HMBOX1: variants seen among roughly 807,000 people sequenced by gnomAD.
HMBOX1 encodes the protein homeobox containing 1, also known as homeobox-containing protein 1.
Under a neutral mutation model 54.5 loss-of-function variants are expected in HMBOX1, and 14 were observed. That is an observed-to-expected ratio of 0.26 (90% CI 0.17 to 0.40). The LOEUF (loss-of-function observed/expected upper bound fraction) is 0.40, where lower values mean the gene tolerates loss of function less well. Among genes scored for constraint, HMBOX1 ranks in the 10% least tolerant of loss-of-function variants. The probability of loss-of-function intolerance (pLI) is 1.00; values close to 1 mark genes in which losing one functional copy is unlikely to be tolerated. For synonymous variants in HMBOX1, 160 were observed against 181.0 expected (o/e 0.88, Z 0.93); for missense variants, 332 against 514.4 (o/e 0.65, Z 3.43).
chr8:28,908,203 A>C (rs749114509), intron 1 of HMBOX1, among the ~76,000 whole-genome samples: 1 of 152,180 alleles, frequency 6.6e-6, no homozygotes, highest in Admixed American at 6.5e-5. Context: ...CCAAATGGAC[A>C]TAGGAACATA....
chr8:29,046,446 T>C (rs1267450450), intron 7 of HMBOX1: 3 of 152,250 alleles, frequency 2.0e-5, no homozygotes, highest in Non-Finnish European at 4.4e-5. Flanking sequence ...GGGGGGTCTG[T>C]ATTGGCAAGC....
chr8:28,933,222 C>G (rs1819781875), intron 1 of HMBOX1, among the ~76,000 whole-genome samples: 1 of 152,096 alleles, frequency 6.6e-6, no homozygotes, highest in African/African-American at 2.4e-5. Flanking sequence ...TCCCTAAATA[C>G]CAAAAAACCA....
chr8:28,986,459 A>C (rs1448790172), intron 4 of HMBOX1, among the ~76,000 whole-genome samples: 1 of 152,218 alleles, frequency 6.6e-6, no homozygotes, highest in African/African-American at 2.4e-5. Flanking sequence ...TACAACCAGA[A>C]ATAATTATCT....
At position 28,973,803 on chromosome 8, in the gene HMBOX1, G is replaced by GTTTTTTTTTTTTTTTTTTTTTTT. The variant is rs71222583; in HGVS notation, c.500+3293_500+3315dup. 4.0e-4 allele frequency among the ~76,000 whole-genome samples: 29 copies of GTTTTTTTTTTTTTTTTTTTTTTT among 72,650 alleles called. 2 individuals carry two copies. The highest frequency in any genetic ancestry group is 5.6e-4 in the Non-Finnish European group (22 of 38,950). The allele number at this position is 72,650 out of a possible 152,430, so 47.7% of individuals were successfully genotyped here. ...TAATAATTTCGAGATACATAATGGAGTTTTTTTTTTTTTTTTTTTTTTTTT... is the reference window on the plus strand; with the variant it reads ...TAATAATTTCGAGATACATAATGGAGTTTTTTTTTTTTTTTTTTTTTTTTTTTTTTTTTTTTTTTTTTTTTTTT... On this transcript the variant is annotated intron_variant, in intron 3 of 9. Coordinates refer to ENST00000287701, the MANE Select transcript of HMBOX1 (RefSeq NM_001135726.3).
intron 4 of HMBOX1, among the ~76,000 whole-genome samples, chr8:28,991,000 C>T (rs376190030): frequency 1.3e-5 from 2 of 152,140 alleles, no homozygotes; most frequent in African/African-American, 4.8e-5. Context: ...ATCATAATAA[C>T]GTTGGCCTCA....
chr8:28,923,762 A>C (rs1377224393), intron 1 of HMBOX1, among the ~76,000 whole-genome samples: 6 of 152,092 alleles, frequency 3.9e-5, no homozygotes, highest in African/African-American at 1.4e-4. Context: ...CGTCCTCACC[A>C]ACATTTTTTT....
chr8:28,989,829 A>G (rs1337911317), intron 4 of HMBOX1, among the ~76,000 whole-genome samples: 1 of 152,212 alleles, frequency 6.6e-6, no homozygotes, highest in South Asian at 2.1e-4. Context: ...GTCTTAGTCT[A>G]TGAACATAGT....
intron 4 of HMBOX1, among the ~76,000 whole-genome samples, chr8:29,008,505 CT>C (rs1302543225): frequency 6.6e-6 from 1 of 152,054 alleles, no homozygotes; most frequent in East Asian, 1.9e-4. Context: ...GCTAATTCTT[CT>C]CTGTACTAAT....
intron 1 of HMBOX1, among the ~76,000 whole-genome samples, chr8:28,939,288 TA>T (rs781363581): frequency 4.0e-3 from 516 of 130,102 alleles, no homozygotes; most frequent in Non-Finnish European, 3.9e-3. Flanking sequence ...AAACTCCGTC[TA>T]AAAAAAAAAA....
At chr8:28,986,066 T>C (rs1380415149) in intron 4 of HMBOX1, among the ~76,000 whole-genome samples, 2 of 152,256 alleles carry the variant, frequency 1.3e-5, no homozygotes, top group African/African-American at 4.8e-5. Flanking sequence ...AAAACTTCTC[T>C]GTGCTTTGCC....
intron 5 of HMBOX1, among the ~76,000 whole-genome samples, chr8:29,012,772 C>G (rs1288402924): frequency 6.6e-6 from 1 of 152,126 alleles, no homozygotes; most frequent in Non-Finnish European, 1.5e-5. Flanking sequence ...AGAAATCAAT[C>G]TGCCTTGTAA....
chr8:28,973,543 G>A (rs950431892), intron 3 of HMBOX1, among the ~76,000 whole-genome samples: 1 of 152,026 alleles, frequency 6.6e-6, no homozygotes, highest in East Asian at 1.9e-4. Context: ...GGATCTTTCT[G>A]AGTATTCTGT....
intron 5 of HMBOX1, among the ~76,000 whole-genome samples, chr8:29,011,302 G>A (rs1834192782): frequency 6.6e-6 from 1 of 152,190 alleles, no homozygotes; most frequent in African/African-American, 2.4e-5. Flanking sequence ...GCATTAGGAG[G>A]TTGTAGCACT....
At position 28,944,974 on chromosome 8, in the gene HMBOX1, G is replaced by A. The variant is rs111260229; in HGVS notation, c.-57-18837G>A. The stretch of plus-strand genomic sequence containing the variant: ...TACCTGCCTAGCTCTGGATTTCTGC[G>A]CATTTAGGAAACAACTTTCTCATCA... On this transcript the variant is annotated intron_variant, in intron 1 of 9. Transcript: ENST00000287701. Among the ~76,000 whole-genome samples the A allele has an allele frequency of 3.2e-3, 491 of 152,114 alleles. 2 individuals carry two copies. The highest frequency in any genetic ancestry group is 0.011 in the African/African-American group (460 of 41,500).
chr8:29,008,000 G>A (rs540799544), intron 4 of HMBOX1, among the ~76,000 whole-genome samples: 5 of 152,170 alleles, frequency 3.3e-5, no homozygotes, highest in Non-Finnish European at 5.9e-5. Context: ...GCTAGAGGGT[G>A]TGATTACTTC....
intron 1 of HMBOX1, among the ~76,000 whole-genome samples, chr8:28,943,635 C>T (rs937262818): frequency 6.6e-6 from 1 of 152,114 alleles, no homozygotes. Flanking sequence ...GCCAAAGTGA[C>T]GTATTTTGGG....
At chr8:29,031,608 C>A (rs910062244) in intron 6 of HMBOX1, among the ~76,000 whole-genome samples, 3 of 151,728 alleles carry the variant, frequency 2.0e-5, no homozygotes, top group African/African-American at 7.3e-5. Flanking sequence ...CCAGGCCCTA[C>A]CCTCTTACTC....
At chr8:28,960,442 G>A (rs1321740828) in intron 1 of HMBOX1, among the ~76,000 whole-genome samples, 2 of 151,372 alleles carry the variant, frequency 1.3e-5, no homozygotes, top group Non-Finnish European at 2.9e-5. Context: ...CCGTGTTTGT[G>A]ATCAATTATG....
intron 4 of HMBOX1, among the ~76,000 whole-genome samples, chr8:28,985,987 G>A (rs765782719): frequency 6.6e-5 from 10 of 152,086 alleles, no homozygotes; most frequent in Admixed American, 2.0e-4. Flanking sequence ...ACATTCTTTG[G>A]TTTCTGGACA....
Sources: allele counts gnomAD v4.1 joint callset (sites outside exome capture counted in the v4.1 genomes callset), GRCh38; gene constraint gnomAD v4.1.1; transcripts MANE v1.5; gene names NCBI Gene and HGNC (gene_info 2026-07-23, HGNC 2026-07-21).